The following LIMD1 variants were observed in gnomAD, a reference collection of about 807,000 sequenced individuals.
The protein encoded by LIMD1 is LIM domain containing 1.
Under a neutral mutation model 58.4 loss-of-function variants are expected in LIMD1, and 23 were observed. That is an observed-to-expected ratio of 0.39 (90% CI 0.28 to 0.56). LIMD1 has a LOEUF of 0.56. Among genes scored for constraint, LIMD1 ranks in the 20% least tolerant of loss-of-function variants. LIMD1 has a pLI of 0.57. For missense variants in LIMD1, 838 were observed against 855.5 expected, an observed-to-expected ratio of 0.98 and a Z score of 0.25; for synonymous variants, 334 against 345.5, an observed-to-expected ratio of 0.97 and a Z score of 0.37.
At chr3:45,627,336 G>A (rs544523602) in intron 1 of LIMD1, among the ~76,000 whole-genome samples, 1 of 152,302 alleles carries the variant, frequency 6.6e-6, no homozygotes, top group South Asian at 2.1e-4. Flanking sequence ...GGATGGACTG[G>A]AAAGGATATA....
chr3:45,611,157 T>C (rs556318117), intron 1 of LIMD1, among the ~76,000 whole-genome samples: 4 of 152,264 alleles, frequency 2.6e-5, no homozygotes, highest in East Asian at 3.9e-4. Context: ...CCTTGTCCCA[T>C]CTGAAAGCCA....
chr3:45,614,328 C>T (rs1355029732), intron 1 of LIMD1, among the ~76,000 whole-genome samples: 1 of 150,686 alleles, frequency 6.6e-6, no homozygotes, highest in Non-Finnish European at 1.5e-5. Flanking sequence ...GAGATCGAGA[C>T]CATCCTGGCT....
At chr3:45,676,273 G>C (rs1030685152) in intron 7 of LIMD1, among the ~76,000 whole-genome samples, 1 of 151,030 alleles carries the variant, frequency 6.6e-6, no homozygotes, top group Non-Finnish European at 1.5e-5. Flanking sequence ...GTTATCTTTT[G>C]AACATGTAAT....
chr3:45,595,399 C>T lies in LIMD1; in HGVS notation c.520C>T (p.Leu174Phe), dbSNP rs376904628. 3.7e-6 allele frequency: 6 copies of T among 1,613,996 alleles called. No individual in the cohort carries two copies. Among genetic ancestry groups the T allele is most frequent in the Non-Finnish European group, 5.1e-6 (6 of 1,180,040 alleles). The change falls in exon 1 of 8, where the codon CTC (leucine) becomes TTC (phenylalanine). Residue 174 changes from leucine to phenylalanine, a missense_variant. This residue lies in a region of LIMD1 where 659 missense variants were observed against 639.8 expected (regional missense o/e 1.03). Coordinates refer to ENST00000273317, the MANE Select transcript of LIMD1 (RefSeq NM_014240.3). ...QPGPCEDPSC[L>F]THGDYYDNLS... is the part of the protein sequence containing the mutation. ...AGGCCCCTGTGAGGATCCTTCCTGC[C>T]TCACTCATGGAGACTATTATGACAA...
intron 2 of LIMD1, among the ~76,000 whole-genome samples, chr3:45,649,723 A>AC (rs1559522210): frequency 1.1e-3 from 156 of 141,548 alleles, no homozygotes; most frequent in Non-Finnish European, 2.1e-3. Context: ...TATATATATA[A>AC]AATTATATAG....
At chr3:45,616,023 T>C (rs889772613) in intron 1 of LIMD1, among the ~76,000 whole-genome samples, 10 of 152,310 alleles carry the variant, frequency 6.6e-5, no homozygotes, top group East Asian at 5.8e-4. Context: ...GGATTAAAAA[T>C]AGAGTTCAGA....
intron 2 of LIMD1, among the ~76,000 whole-genome samples, chr3:45,643,379 G>C (rs909299784): frequency 6.6e-6 from 1 of 152,060 alleles, no homozygotes; most frequent in Non-Finnish European, 1.5e-5. Flanking sequence ...TAGCTATTTG[G>C]GGGGCTGAGG....
intron 1 of LIMD1, among the ~76,000 whole-genome samples, chr3:45,598,714 T>G (rs1259040942): frequency 2.6e-5 from 4 of 151,926 alleles, no homozygotes; most frequent in Admixed American, 2.6e-4. Context: ...GGCAGAGAGA[T>G]TTCCAGTTTT....
In LIMD1 at chr3:45,679,300, C is replaced by T. The variant is rs1439220244; in HGVS notation, c.*2241C>T. 1 of 152,150 alleles carries T rather than the reference C, an allele frequency of 6.6e-6. No individual in the cohort carries two copies. The allele number at this position is 152,150 out of a possible 1,614,324, so 9.4% of individuals were successfully genotyped here. On this transcript the variant is annotated 3_prime_UTR_variant, in exon 8 of 8. Coordinates refer to ENST00000273317, the MANE Select transcript of LIMD1 (RefSeq NM_014240.3). Reference sequence around the variant, plus strand: ...GGAATTTCCAGATGTCCTAGAAATCCTAGCAACAGATTTCTCTGGTTGTCA... The same window carrying T: ...GGAATTTCCAGATGTCCTAGAAATCTTAGCAACAGATTTCTCTGGTTGTCA...
In LIMD1 at chr3:45,677,073, C is replaced by A; in HGVS notation, c.*14C>A. 1 of 1,611,340 alleles carries A rather than the reference C, an allele frequency of 6.2e-7. No homozygotes were observed. The highest frequency in any genetic ancestry group is 1.7e-5 in the Admixed American group (1 of 60,002). On this transcript the variant is annotated 3_prime_UTR_variant, in exon 8 of 8. Coordinates refer to ENST00000273317, the MANE Select transcript of LIMD1 (RefSeq NM_014240.3). The stretch of plus-strand genomic sequence containing the variant: ...CACCACTTCTAGCCAGAGCCACTTG[C>A]AGACATCACGGCAGGGGATGAGGAG...
intron 1 of LIMD1, chr3:45,635,943 T>G (rs1701783014): frequency 1.0e-6 from 1 of 985,096 alleles, no homozygotes; most frequent in Non-Finnish European, 1.2e-6. Context: ...AAGTGGGACC[T>G]AAAGTCCAGC....
intron 1 of LIMD1, among the ~76,000 whole-genome samples, chr3:45,597,427 T>C (rs1701368871): frequency 6.6e-6 from 1 of 152,222 alleles, no homozygotes; most frequent in Non-Finnish European, 1.5e-5. Context: ...TGTGTCTTCC[T>C]GGTTTTACTC....
chr3:45,639,532 C>T (rs116811241), intron 2 of LIMD1, among the ~76,000 whole-genome samples: 3,661 of 152,274 alleles, frequency 0.024, 58 homozygotes, highest in Non-Finnish European at 0.041. Context: ...TTCCCGGGCA[C>T]TCATATGGTA....
chr3:45,657,777 G>A (rs1169664063), intron 2 of LIMD1, among the ~76,000 whole-genome samples: 1 of 152,166 alleles, frequency 6.6e-6, no homozygotes, highest in Admixed American at 6.5e-5. Flanking sequence ...TAATTCATAA[G>A]TATCATATTT....
chr3:45,634,251 T>C (rs1701764566), intron 1 of LIMD1, among the ~76,000 whole-genome samples: 1 of 152,232 alleles, frequency 6.6e-6, no homozygotes, highest in Non-Finnish European at 1.5e-5. Flanking sequence ...AATATATTCC[T>C]CCGTGAATCT....
chr3:45,674,285 G>A, intron 6 of LIMD1, 58 bp from the exon 7 acceptor site: 1 of 1,380,408 alleles, frequency 7.2e-7, no homozygotes, highest in Non-Finnish European at 1.0e-6. Context: ...GGTACATCAA[G>A]CCCGACAGCC....
rs991167690 is a variant in LIMD1 at position 45,683,915 on chromosome 3, C to A, written c.*6856C>A. The A allele has an allele frequency of 1.3e-5, 2 of 152,208 alleles. No individual in the cohort carries two copies. The highest frequency in any genetic ancestry group is 4.8e-5 in the African/African-American group (2 of 41,440). The allele number at this position is 152,208 out of a possible 1,614,324, so 9.4% of individuals were successfully genotyped here. On this transcript the variant is annotated 3_prime_UTR_variant, in exon 8 of 8. Transcript: ENST00000273317. ...AGCATTAGTCAGCCTACCACAGACT[C>A]CAACGAACGTTTTTTGAGAGGAAAT...
At chr3:45,651,759 A>G (rs1272000600) in intron 2 of LIMD1, among the ~76,000 whole-genome samples, 1 of 151,858 alleles carries the variant, frequency 6.6e-6, no homozygotes, top group Non-Finnish European at 1.5e-5. Context: ...CAGCCTTCCA[A>G]GTAGCTGGGA....
chr3:45,657,524 C>CAAA (rs71617901), intron 2 of LIMD1, among the ~76,000 whole-genome samples: 1 of 99,592 alleles, frequency 1.0e-5, no homozygotes, highest in Non-Finnish European at 2.0e-5. Context: ...GACGCTGTCT[C>CAAA]AAAAAAAAAA....
Sources: gnomAD v4.1 joint callset for allele counts (sites outside exome capture counted in the v4.1 genomes callset) on GRCh38, gnomAD v4.1.1 for gene constraint, gnomAD v4.1.1 regional missense constraint, MANE v1.5 for transcripts, NCBI Gene and HGNC (gene_info 2026-07-23, HGNC 2026-07-21) for gene names.